The following SEPHS1 variants were observed in gnomAD, a reference collection of about 807,000 sequenced individuals.
The protein encoded by SEPHS1 is selenophosphate synthetase 1.
In SEPHS1, 7 loss-of-function variants were observed where a neutral mutation model predicts 39.2. The observed-to-expected ratio is 0.18, with a 90% CI of 0.10 to 0.34. The LOEUF (loss-of-function observed/expected upper bound fraction) is 0.34. SEPHS1 is among the 10% of genes least tolerant of loss of function. The pLI is 1.00. For synonymous variants in SEPHS1, 190 were observed against 195.5 expected, an observed-to-expected ratio of 0.97 and a Z score of 0.23; for missense variants, 253 against 514.5, an observed-to-expected ratio of 0.49 and a Z score of 4.92.
chr10:13,330,552 TGCCTTTCGCAGCTTCAGCA>T, intron 5 of SEPHS1, among the ~76,000 whole-genome samples: 2 of 152,310 alleles, frequency 1.3e-5, no homozygotes, highest in Admixed American at 1.3e-4. Flanking sequence ...CTGAGAGTTG[TGCCTTTCGCAGCTTCAGCA>T]GCTGAGCTCC....
At chr10:13,321,298 G>A (rs1833106934) in intron 8 of SEPHS1, among the ~76,000 whole-genome samples, 2 of 151,800 alleles carry the variant, frequency 1.3e-5, no homozygotes, top group Admixed American at 1.3e-4. Context: ...CCAGGCTGTA[G>A]TGCAGTGGGG....
At chr10:13,336,800 G>C (rs1262081417) in intron 3 of SEPHS1, among the ~76,000 whole-genome samples, 1 of 115,216 alleles carries the variant, frequency 8.7e-6, no homozygotes, top group Admixed American at 9.7e-5. Flanking sequence ...TCTAAAAATG[G>C]CTGGCTTTAG....
intron 8 of SEPHS1, chr10:13,322,062 A>T (rs373402883): frequency 2.2e-6 from 1 of 455,954 alleles, no homozygotes; most frequent in Admixed American, 2.4e-5. Flanking sequence ...AAATTACTGC[A>T]CATCTAAGAA....
chr10:13,333,052 T>G (rs1833517433), intron 5 of SEPHS1, among the ~76,000 whole-genome samples: 1 of 152,092 alleles, frequency 6.6e-6, no homozygotes, highest in African/African-American at 2.4e-5. Flanking sequence ...CGGTAATGGC[T>G]GTACAACTCT....
rs1833887077 is a variant in SEPHS1 at position 13,345,112 on chromosome 10, A to T, written c.-78-84T>A. 2.0e-5 allele frequency: 11 copies of T among 553,882 alleles called. No homozygotes were observed. The Admixed American group carries it at 3.9e-4, about 20-fold the overall frequency. 34.3% of individuals were successfully genotyped at this position (553,882 alleles called of 1,614,324 possible). On this transcript the variant is annotated intron_variant, in intron 1 of 8. Transcript: ENST00000327347. ...CGAATCAAGTGAATACATGACAGCG[A>T]AAAGTCAATGTGACAAGGGCTGAAA...
chr10:13,348,145 C>CGCGCCT lies in SEPHS1; in HGVS notation c.-230_-225dup, dbSNP rs1833993995. Reference sequence around the variant, plus strand: ...GGCGGCGGCGGCGGGGGCCCGGGCCCGCGCCTGGGCGCCGCGGGGGCTCGC... The same window carrying CGCGCCT: ...GGCGGCGGCGGCGGGGGCCCGGGCCCGCGCCTGCGCCTGGGCGCCGCGGGGGCTCGC... On this transcript the variant is annotated 5_prime_UTR_variant, in exon 1 of 9. Coordinates refer to ENST00000327347, the MANE Select transcript of SEPHS1 (RefSeq NM_012247.5). The CGCGCCT allele has an allele frequency of 6.9e-6, 1 of 144,554 alleles. No individual in the cohort carries two copies. Among genetic ancestry groups the CGCGCCT allele is most frequent in the South Asian group, 2.1e-4 (1 of 4,750 alleles). 9.0% of individuals were successfully genotyped at this position (144,554 alleles called of 1,614,324 possible).
intron 5 of SEPHS1, among the ~76,000 whole-genome samples, chr10:13,332,618 C>T (rs1266527317): frequency 6.6e-6 from 1 of 151,958 alleles, no homozygotes; most frequent in Non-Finnish European, 1.5e-5. Flanking sequence ...CTGAGGCGGT[C>T]GGATCATGAG....
At position 13,345,924 on chromosome 10, in the gene SEPHS1, C is replaced by T. The variant is rs1171424421; in HGVS notation, c.-78-896G>A. 2.0e-5 allele frequency among the ~76,000 whole-genome samples: 3 copies of T among 152,182 alleles called. No homozygotes were observed. In the East Asian group the frequency reaches 5.8e-4, roughly 29 times the overall value. ...ATGCAATCCAAAACTAATAGGAGTC[C>T]TCTCTAAAGGGCACAACTTAAAAAC... is the stretch of plus-strand genomic sequence containing the variant. On this transcript the variant is annotated intron_variant, in intron 1 of 8. Coordinates refer to ENST00000327347, the MANE Select transcript of SEPHS1 (RefSeq NM_012247.5).
intron 7 of SEPHS1, among the ~76,000 whole-genome samples, chr10:13,326,438 C>T (rs1406569927): frequency 1.3e-5 from 2 of 148,326 alleles, no homozygotes; most frequent in Non-Finnish European, 3.0e-5. Context: ...CCTGCCACTG[C>T]ACTTCAGCCT....
chr10:13,347,867 G>C (rs916171988), intron 1 of SEPHS1, 133 bp downstream of exon 1: 3 of 145,568 alleles, frequency 2.1e-5, no homozygotes, highest in Non-Finnish European at 1.5e-5. Context: ...CAGGGCTGGC[G>C]GGGCCGGCGG....
intron 5 of SEPHS1, among the ~76,000 whole-genome samples, chr10:13,333,013 T>C (rs4750346): frequency 0.64 from 97,032 of 151,948 alleles, 31,250 homozygotes; most frequent in East Asian, 0.77. Context: ...TTTCTTCCTG[T>C]AGCAATGAAA....
At chr10:13,334,409 C>T (rs1333019678) in intron 4 of SEPHS1, among the ~76,000 whole-genome samples, 1 of 152,112 alleles carries the variant, frequency 6.6e-6, no homozygotes, top group Non-Finnish European at 1.5e-5. Flanking sequence ...GGTGTGGTAG[C>T]ATGCGCCTGT....
At chr10:13,333,532 T>C (rs1833531461) in intron 5 of SEPHS1, among the ~76,000 whole-genome samples, 1 of 150,320 alleles carries the variant, frequency 6.7e-6, no homozygotes, top group African/African-American at 2.5e-5. Context: ...CCTCCACCCC[T>C]GGGGTTCAAG....
At chr10:13,342,664 T>G (rs550608414) in intron 2 of SEPHS1, among the ~76,000 whole-genome samples, 1 of 152,118 alleles carries the variant, frequency 6.6e-6, no homozygotes, top group Non-Finnish European at 1.5e-5. Flanking sequence ...TACACATACA[T>G]GTATTATATA....
At chr10:13,341,697 C>G (rs946730334) in intron 2 of SEPHS1, among the ~76,000 whole-genome samples, 1 of 152,166 alleles carries the variant, frequency 6.6e-6, no homozygotes, top group Non-Finnish European at 1.5e-5. Context: ...GGGCTCATGC[C>G]TTTAATCCCA....
Position 13,344,942 on chromosome 10 carries a change from C to T in SEPHS1, c.9G>A (p.Thr3=). MS[T]RESFNPESYE... ...AACTTTCCGGGTTAAAGGACTCCCG[C>T]GTAGACATGGTTCTTGGGCCCCGCT... is the stretch of plus-strand genomic sequence containing the variant. The change falls in exon 2 of 9, where the codon ACG becomes ACA. Residue 3 remains threonine (T), a synonymous_variant. Coordinates refer to ENST00000327347, the MANE Select transcript of SEPHS1 (RefSeq NM_012247.5). 1 of 1,564,164 alleles carries T rather than the reference C, an allele frequency of 6.4e-7. No homozygotes were observed. Among genetic ancestry groups the T allele is most frequent in the Non-Finnish European group, 8.7e-7 (1 of 1,152,180 alleles).
At chr10:13,336,793 A>AAAAACG (rs1833649103) in intron 3 of SEPHS1, among the ~76,000 whole-genome samples, 2 of 151,664 alleles carry the variant, frequency 1.3e-5, no homozygotes, top group South Asian at 4.1e-4. Context: ...AACAGATTCT[A>AAAAACG]AAAATGGCTG....
At chr10:13,326,963 T>C (rs1379676168) in intron 7 of SEPHS1, among the ~76,000 whole-genome samples, 1 of 152,144 alleles carries the variant, frequency 6.6e-6, no homozygotes, top group Non-Finnish European at 1.5e-5. Flanking sequence ...AAATTATGTG[T>C]ACTATGGCTC....
chr10:13,321,392 C>CACA lies in SEPHS1; in HGVS notation c.964+1440_964+1442dup, dbSNP rs1397434358. Among the ~76,000 whole-genome samples the CACA allele has an allele frequency of 2.6e-5, 4 of 151,936 alleles. No individual in the cohort carries two copies. The East Asian group carries it at 7.8e-4, about 29-fold the overall frequency. ...CTCTGGAGTAGCTGGGATTACAGGG[C>CACA]ACACGCCACGACGCCCCGCTAATTT... is the stretch of plus-strand genomic sequence containing the variant. On this transcript the variant is annotated intron_variant, in intron 8 of 8. Coordinates refer to ENST00000327347, the MANE Select transcript of SEPHS1 (RefSeq NM_012247.5).
Sources: gnomAD v4.1 joint callset for allele counts (sites outside exome capture counted in the v4.1 genomes callset) on GRCh38, gnomAD v4.1.1 for gene constraint, MANE v1.5 for transcripts, NCBI Gene and HGNC (gene_info 2026-07-23, HGNC 2026-07-21) for gene names.